Variants in PTPRN2 observed in about 807,000 individuals in gnomAD.
PTPRN2 encodes the protein receptor-type tyrosine-protein phosphatase N2.
A neutral mutation model predicts 118.8 loss-of-function variants in PTPRN2; 74 were observed. The ratio of observed to expected loss-of-function variants is 0.62; its 90% CI spans 0.52 to 0.76. PTPRN2 has a LOEUF of 0.76. Among genes scored for constraint, PTPRN2 ranks in the 30% least tolerant of loss-of-function variants. The pLI, the probability that PTPRN2 is intolerant of heterozygous loss-of-function variation, is 0.00. For missense variants in PTPRN2, 1,481 were observed against 1,394.4 expected, an observed-to-expected ratio of 1.06 and a Z score of -0.99; for synonymous variants, 641 against 608.0, an observed-to-expected ratio of 1.05 and a Z score of -0.80.
At chr7:157,772,690 G>C (rs955995563) in intron 12 of PTPRN2, among the ~76,000 whole-genome samples, 2 of 152,252 alleles carry the variant, frequency 1.3e-5, no homozygotes, top group Non-Finnish European at 2.9e-5. Flanking sequence ...TCTCGGCATT[G>C]GGTCTCAGCG....
intron 13 of PTPRN2, among the ~76,000 whole-genome samples, chr7:157,660,547 G>A (rs1244844744): frequency 6.6e-6 from 1 of 152,192 alleles, no homozygotes; most frequent in Non-Finnish European, 1.5e-5. Flanking sequence ...TATAAATGGA[G>A]ATAATCCTAT....
chr7:158,137,606 C>G (rs1004572954), intron 7 of PTPRN2, among the ~76,000 whole-genome samples: 2 of 152,066 alleles, frequency 1.3e-5, no homozygotes, highest in Non-Finnish European at 2.9e-5. Context: ...ACAGGCCCTC[C>G]CGGGGTGCAG....
At chr7:157,799,356 C>T (rs1039860172) in intron 12 of PTPRN2, among the ~76,000 whole-genome samples, 1 of 152,154 alleles carries the variant, frequency 6.6e-6, no homozygotes, top group Non-Finnish European at 1.5e-5. Context: ...CCCACATCGC[C>T]ATCTCTTGCC....
intron 10 of PTPRN2, among the ~76,000 whole-genome samples, chr7:158,090,567 G>A (rs1814033100): frequency 6.6e-6 from 1 of 152,128 alleles, no homozygotes. Context: ...ATTGATAATT[G>A]CTCATTTCTT....
intron 10 of PTPRN2, among the ~76,000 whole-genome samples, chr7:158,086,639 G>A (rs1428650116): frequency 6.6e-6 from 1 of 152,176 alleles, no homozygotes; most frequent in Non-Finnish European, 1.5e-5. Context: ...GCACTCAATA[G>A]ACCATAAAGA....
At position 157,615,762 on chromosome 7, in the gene PTPRN2, G is replaced by A. The variant is rs527253281; in HGVS notation, c.2344+5600C>T. 132 of 379,790 alleles carry A rather than the reference G, an allele frequency of 3.5e-4. No individual in the cohort carries two copies. Among genetic ancestry groups the A allele is most frequent in the African/African-American group, 2.5e-3 (119 of 47,846 alleles). 23.5% of individuals were successfully genotyped at this position (379,790 alleles called of 1,614,324 possible). On this transcript the variant is annotated intron_variant, in intron 15 of 22. Transcript: ENST00000389418. This position sits in a 1 kb window ranked among gnomAD's most constrained non-coding sequence, Gnocchi z 4.3. The stretch of plus-strand genomic sequence containing the variant: ...AAGCTCTGGAGGCTGAACGAGAATC[G>A]GTTACAGGAGATGAACACAAGGCTC...
chr7:157,916,337 G>A (rs760796884), intron 11 of PTPRN2, among the ~76,000 whole-genome samples: 3 of 152,204 alleles, frequency 2.0e-5, no homozygotes, highest in South Asian at 2.1e-4. Flanking sequence ...ATGGGCGGCT[G>A]GAGCCTCTGG....
chr7:158,298,028 A>G (rs950462882), intron 3 of PTPRN2, among the ~76,000 whole-genome samples: 4 of 152,158 alleles, frequency 2.6e-5, no homozygotes, highest in Non-Finnish European at 5.9e-5. Context: ...AGTCATTAGT[A>G]GTGTTTTCCT....
chr7:158,357,322 G>A (rs1808470322), intron 2 of PTPRN2, among the ~76,000 whole-genome samples: 1 of 152,394 alleles, frequency 6.6e-6, no homozygotes, highest in African/African-American at 2.4e-5. Flanking sequence ...AAAGGCGAGG[G>A]CCAGGCTGTC....
intron 11 of PTPRN2, among the ~76,000 whole-genome samples, chr7:158,051,811 C>T (rs1809346086): frequency 6.6e-6 from 1 of 152,222 alleles, no homozygotes. Context: ...AAAATACACA[C>T]TGTACTTAAA....
chr7:158,178,912 TG>T (rs1824455868), intron 5 of PTPRN2, among the ~76,000 whole-genome samples: 1 of 152,226 alleles, frequency 6.6e-6, no homozygotes, highest in Non-Finnish European at 1.5e-5. Flanking sequence ...CATCAGTCAA[TG>T]GGCACTTAGA....
At chr7:158,147,982 G>T (rs1820373306) in intron 6 of PTPRN2, among the ~76,000 whole-genome samples, 2 of 59,290 alleles carry the variant, frequency 3.4e-5, no homozygotes, top group Admixed American at 3.3e-4. Flanking sequence ...CCCCCTCAAT[G>T]ACACACCATC....
In PTPRN2 at chr7:157,627,532, CT is replaced by C. The variant is rs767751739; in HGVS notation, c.2197-6024del. Among the ~76,000 whole-genome samples, 1 of 152,188 alleles carries C rather than the reference CT, an allele frequency of 6.6e-6. No individual in the cohort carries two copies. Among genetic ancestry groups the C allele is most frequent in the Non-Finnish European group, 1.5e-5 (1 of 68,034 alleles). ...AAGCGTTTGGAGGTGTGTCTTTCGT[CT>C]TTTAGAGCTGCTTGCTCTATAATTT... On this transcript the variant is annotated intron_variant, in intron 14 of 22. Transcript: ENST00000389418. The surrounding 1 kb of genome is among the most constrained non-coding windows in gnomAD (Gnocchi z 4.2).
At chr7:157,561,045 G>C (rs1040258872) in intron 21 of PTPRN2, among the ~76,000 whole-genome samples, 1 of 152,144 alleles carries the variant, frequency 6.6e-6, no homozygotes, top group Non-Finnish European at 1.5e-5. Context: ...CTGTTCTTCA[G>C]TTCCAGCTCC....
At chr7:158,057,111 C>G (rs923259797) in intron 11 of PTPRN2, among the ~76,000 whole-genome samples, 1 of 152,260 alleles carries the variant, frequency 6.6e-6, no homozygotes, top group Non-Finnish European at 1.5e-5. Context: ...CCGCTCAGCA[C>G]CTGTGGACGC....
intron 11 of PTPRN2, among the ~76,000 whole-genome samples, chr7:158,042,939 A>G (rs1268019360): frequency 1.3e-5 from 2 of 152,198 alleles, no homozygotes; most frequent in African/African-American, 2.4e-5. Flanking sequence ...TAAATTCCAT[A>G]TTTCAATACA....
At chr7:157,728,415 G>C (rs933836109) in intron 12 of PTPRN2, among the ~76,000 whole-genome samples, 1 of 152,274 alleles carries the variant, frequency 6.6e-6, no homozygotes, top group Non-Finnish European at 1.5e-5. Flanking sequence ...CAGGGCTCCT[G>C]GCGCCCATGG....
At chr7:158,386,952 A>G (rs567833367) in intron 2 of PTPRN2, among the ~76,000 whole-genome samples, 1 of 152,268 alleles carries the variant, frequency 6.6e-6, no homozygotes, top group South Asian at 2.1e-4. Context: ...ACACGGCCCG[A>G]TCACCCACCT....
intron 11 of PTPRN2, among the ~76,000 whole-genome samples, chr7:157,899,074 C>T (rs902133885): frequency 3.3e-5 from 5 of 152,204 alleles, no homozygotes; most frequent in Non-Finnish European, 5.9e-5. Context: ...TTTAAAATTA[C>T]GTAATCGTTT....
Sources: gnomAD v4.1 joint callset for allele counts (sites outside exome capture counted in the v4.1 genomes callset) on GRCh38, gnomAD v4.1.1 for gene constraint, Gnocchi (gnomAD v3.1) non-coding constraint, MANE v1.5 for transcripts, NCBI Gene and HGNC (gene_info 2026-07-23, HGNC 2026-07-21) for gene names.